Variants in WWOX observed in about 807,000 individuals in gnomAD.
The protein encoded by WWOX is WW domain-containing oxidoreductase.
In WWOX, 69 loss-of-function variants were observed where a neutral mutation model predicts 46.2. That is an observed-to-expected ratio of 1.49 (90% CI 1.23 to 1.82). WWOX has a LOEUF of 1.82. WWOX is among the 40% of genes most tolerant of loss of function. WWOX has a pLI of 0.00. For missense variants in WWOX, 919 were observed against 542.6 expected, an observed-to-expected ratio of 1.69 and a Z score of -6.89; for synonymous variants, 359 against 202.6, an observed-to-expected ratio of 1.77 and a Z score of -6.56.
intron 5 of WWOX, among the ~76,000 whole-genome samples, chr16:78,323,996 A>C (rs1362128279): frequency 6.6e-6 from 1 of 152,160 alleles, no homozygotes; most frequent in African/African-American, 2.4e-5. Context: ...TCCTCCTCCA[A>C]CTTCACTTTC....
chr16:79,203,421 C>T (rs1258641359), intron 8 of WWOX: 2 of 151,948 alleles, frequency 1.3e-5, no homozygotes, highest in Non-Finnish European at 2.9e-5. Context: ...AAAGTACATC[C>T]TCTTAATTTG....
chr16:78,532,586 A>C (rs2043648557), intron 8 of WWOX, among the ~76,000 whole-genome samples: 1 of 152,224 alleles, frequency 6.6e-6, no homozygotes, highest in African/African-American at 2.4e-5. Flanking sequence ...TGATAAAGGC[A>C]TACCCAATAC....
intron 8 of WWOX, among the ~76,000 whole-genome samples, chr16:79,115,295 A>G (rs995652772): frequency 6.6e-6 from 1 of 152,240 alleles, no homozygotes; most frequent in African/African-American, 2.4e-5. Flanking sequence ...TATGTGAAAA[A>G]GAAACTTTCA....
At chr16:78,626,281 C>T (rs942749726) in intron 8 of WWOX, among the ~76,000 whole-genome samples, 3 of 152,178 alleles carry the variant, frequency 2.0e-5, no homozygotes, top group Admixed American at 6.5e-5. Context: ...CAGGCATGCG[C>T]CACCACGCTC....
chr16:78,315,718 G>T (rs771133615), intron 5 of WWOX, among the ~76,000 whole-genome samples: 10 of 152,114 alleles, frequency 6.6e-5, no homozygotes, highest in Non-Finnish European at 1.5e-4. Flanking sequence ...GTGCGCTAAT[G>T]CCACTCAGCA....
At chr16:78,978,485 G>A (rs1178445119) in intron 8 of WWOX, among the ~76,000 whole-genome samples, 1 of 152,184 alleles carries the variant, frequency 6.6e-6, no homozygotes, top group African/African-American at 2.4e-5. Context: ...TTCTCACACT[G>A]TCACCAACTC....
At chr16:78,557,386 C>A (rs896057887) in intron 8 of WWOX, among the ~76,000 whole-genome samples, 2 of 152,210 alleles carry the variant, frequency 1.3e-5, no homozygotes, top group East Asian at 3.9e-4. Flanking sequence ...ATCTCTTAGC[C>A]CTCAATTGTC....
At chr16:78,834,210 G>A (rs922191459) in intron 8 of WWOX, among the ~76,000 whole-genome samples, 23 of 152,272 alleles carry the variant, frequency 1.5e-4, no homozygotes, top group Admixed American at 3.9e-4. Flanking sequence ...CATTGTTTGT[G>A]CCGAACAGGG....
intron 8 of WWOX, among the ~76,000 whole-genome samples, chr16:78,742,440 C>A (rs1249430482): frequency 1.3e-5 from 2 of 152,184 alleles, no homozygotes; most frequent in Non-Finnish European, 2.9e-5. Flanking sequence ...TAATAGTCAG[C>A]ACCTATGCAG....
chr16:78,621,954 T>A (rs2046200077), intron 8 of WWOX, among the ~76,000 whole-genome samples: 1 of 152,068 alleles, frequency 6.6e-6, no homozygotes, highest in Non-Finnish European at 1.5e-5. Flanking sequence ...TCTTTGAAAT[T>A]GTACTGGTTT....
At chr16:78,982,319 G>GA (rs1266564738) in intron 8 of WWOX, among the ~76,000 whole-genome samples, 2 of 152,006 alleles carry the variant, frequency 1.3e-5, no homozygotes, top group African/African-American at 2.4e-5. Flanking sequence ...ATCATCTGGG[G>GA]AAAAAAATAC....
At chr16:78,196,629 C>G (rs1346739531) in intron 5 of WWOX, among the ~76,000 whole-genome samples, 1 of 152,130 alleles carries the variant, frequency 6.6e-6, no homozygotes, top group Non-Finnish European at 1.5e-5. Context: ...GCTTTGGAAC[C>G]AATTAGGGCG....
chr16:78,124,470 C>T (rs1389268907), intron 4 of WWOX: 2 of 152,154 alleles, frequency 1.3e-5, no homozygotes, highest in Non-Finnish European at 2.9e-5. Context: ...GATATGAATC[C>T]TCAGCCTTCT....
intron 5 of WWOX, among the ~76,000 whole-genome samples, chr16:78,281,926 A>C (rs992070610): frequency 1.3e-5 from 2 of 152,174 alleles, no homozygotes; most frequent in African/African-American, 4.8e-5. Context: ...TATATTCTTC[A>C]AAGGGAAAAT....
At chr16:78,942,044 G>A (rs2045862133) in intron 8 of WWOX, among the ~76,000 whole-genome samples, 1 of 152,142 alleles carries the variant, frequency 6.6e-6, no homozygotes, top group Admixed American at 6.5e-5. Context: ...TACCTCGCCT[G>A]GTCTAGCCGC....
intron 8 of WWOX, among the ~76,000 whole-genome samples, chr16:78,731,127 G>C (rs2048960026): frequency 6.6e-6 from 1 of 152,120 alleles, no homozygotes; most frequent in Admixed American, 6.5e-5. Flanking sequence ...AGTGAATCTG[G>C]TTTAACTGGG....
chr16:78,341,666 G>A (rs1028074942), intron 5 of WWOX, among the ~76,000 whole-genome samples: 2 of 119,712 alleles, frequency 1.7e-5, no homozygotes, highest in East Asian at 3.9e-4. Context: ...GAAACCTCCT[G>A]GGAAAGGTGA....
chr16:78,899,829 C>G (rs1002410387), intron 8 of WWOX, among the ~76,000 whole-genome samples: 1 of 152,138 alleles, frequency 6.6e-6, no homozygotes, highest in African/African-American at 2.4e-5. Context: ...AGCGCGTGGT[C>G]TGTTTTGTTC....
At chr16:78,951,887 G>C (rs1348591104) in intron 8 of WWOX, among the ~76,000 whole-genome samples, 1 of 152,172 alleles carries the variant, frequency 6.6e-6, no homozygotes, top group Non-Finnish European at 1.5e-5. Context: ...ATGGATGTGG[G>C]TGAGAGGACA....
Sources: gnomAD v4.1 joint callset for allele counts (sites outside exome capture counted in the v4.1 genomes callset) on GRCh38, gnomAD v4.1.1 for gene constraint, MANE v1.5 for transcripts, NCBI Gene and HGNC (gene_info 2026-07-23, HGNC 2026-07-21) for gene names.